Variants in SULT4A1 observed in about 807,000 individuals in gnomAD.
The protein encoded by SULT4A1 is sulfotransferase 4A1.
In SULT4A1, 11 loss-of-function variants were observed where a neutral mutation model predicts 35.2. The ratio of observed to expected loss-of-function variants is 0.31; its 90% confidence interval spans 0.20 to 0.52. The LOEUF is 0.52. Ranked by LOEUF, SULT4A1 falls within the 20% of genes least tolerant of loss-of-function variation. SULT4A1 has a pLI of 0.97. For missense variants in SULT4A1, 271 were observed against 383.7 expected (o/e 0.71, Z 2.45); for synonymous variants, 152 against 151.8 (o/e 1.00, Z -0.01).
At chr22:43,827,762 C>CACACAT (rs1246430688) in intron 6 of SULT4A1, 2 of 440,630 alleles carry the variant, frequency 4.5e-6, no homozygotes, top group African/African-American at 4.2e-5. Context: ...TCACCACACA[C>CACACAT]ACACACACAC....
At chr22:43,858,398 C>A (rs897865085) in intron 1 of SULT4A1, among the ~76,000 whole-genome samples, 17 of 152,122 alleles carry the variant, frequency 1.1e-4, no homozygotes, top group African/African-American at 4.1e-4. Flanking sequence ...CCCCCGCAGA[C>A]CCAGGACACT....
intron 1 of SULT4A1, among the ~76,000 whole-genome samples, chr22:43,860,991 T>C (rs1333807799): frequency 6.6e-6 from 1 of 152,132 alleles, no homozygotes; most frequent in Non-Finnish European, 1.5e-5. Context: ...CCCTCACAGA[T>C]TAACAGCGAT....
chr22:43,851,949 C>A (rs1284063359), intron 1 of SULT4A1, among the ~76,000 whole-genome samples: 6 of 152,224 alleles, frequency 3.9e-5, no homozygotes, highest in Non-Finnish European at 7.3e-5. Flanking sequence ...CAGCACTCAG[C>A]CCTGCCTGTG....
intron 1 of SULT4A1, among the ~76,000 whole-genome samples, chr22:43,857,197 T>C (rs1280703364): frequency 6.6e-6 from 1 of 151,550 alleles, no homozygotes; most frequent in Non-Finnish European, 1.5e-5. Context: ...AAAGGAGCAG[T>C]TAGCCACAGA....
chr22:43,845,640 C>T (rs771737091), intron 1 of SULT4A1, among the ~76,000 whole-genome samples: 9 of 151,748 alleles, frequency 5.9e-5, no homozygotes, highest in Non-Finnish European at 1.0e-4. Flanking sequence ...GCCTTCTAGT[C>T]CAGGGGTCCC....
At chr22:43,847,223 G>A (rs968727324) in intron 1 of SULT4A1, among the ~76,000 whole-genome samples, 3 of 152,012 alleles carry the variant, frequency 2.0e-5, no homozygotes, top group African/African-American at 7.3e-5. Context: ...CACGAAACAC[G>A]CAGGGAACAG....
intron 4 of SULT4A1, among the ~76,000 whole-genome samples, chr22:43,834,147 C>T (rs966797905): frequency 4.6e-5 from 7 of 152,152 alleles, no homozygotes; most frequent in Non-Finnish European, 8.8e-5. Context: ...ATCCAGAACA[C>T]GGGGCCCTGC....
At chr22:43,850,111 T>C (rs1024438069) in intron 1 of SULT4A1, among the ~76,000 whole-genome samples, 14 of 152,212 alleles carry the variant, frequency 9.2e-5, no homozygotes, top group Admixed American at 2.6e-4. Context: ...CTGCACCTAG[T>C]TGAAAAAGTC....
chr22:43,839,132 G>C, intron 3 of SULT4A1, 139 bp from the exon 4 acceptor site: 1 of 1,154,924 alleles, frequency 8.7e-7, no homozygotes, highest in Non-Finnish European at 1.2e-6. Context: ...TGGGGCCCAT[G>C]TGCACGGCTG....
intron 1 of SULT4A1, among the ~76,000 whole-genome samples, chr22:43,861,759 G>T (rs761869880): frequency 2.6e-5 from 4 of 152,250 alleles, no homozygotes; most frequent in Non-Finnish European, 4.4e-5. Flanking sequence ...TTTCCACGCT[G>T]AAAGCCCTGA....
At position 43,844,547 on chromosome 22, in the gene SULT4A1, A is replaced by C. The variant is rs6006449; in HGVS notation, c.170-2615T>G. On this transcript the variant is annotated intron_variant, in intron 1 of 6. Coordinates refer to ENST00000330884, the MANE Select transcript of SULT4A1 (RefSeq NM_014351.4). ...ACTCAGGTCCGACGGCCTCCAGCCC[A>C]AAACCCTTCCGTAGCTTCCCAATGT... Among the ~76,000 whole-genome samples, 876 of 152,326 alleles carry C rather than the reference A, an allele frequency of 5.8e-3. 10 individuals are homozygous for C. Among genetic ancestry groups the C allele is most frequent in the African/African-American group, 0.02 (844 of 41,574 alleles).
chr22:43,853,540 T>C (rs1304614230), intron 1 of SULT4A1, among the ~76,000 whole-genome samples: 1 of 152,136 alleles, frequency 6.6e-6, no homozygotes, highest in African/African-American at 2.4e-5. Flanking sequence ...CAGGCAGCTG[T>C]GGCATGCTGG....
At chr22:43,841,984 G>A (rs777567626) in intron 1 of SULT4A1, 52 bp from the exon 2 acceptor site, 45 of 1,582,078 alleles carry the variant, frequency 2.8e-5, no homozygotes, top group South Asian at 3.4e-5. Context: ...CCACGCGCCC[G>A]GCCCTGTGCT....
chr22:43,835,352 G>A (rs1436733443), intron 4 of SULT4A1, among the ~76,000 whole-genome samples: 1 of 152,234 alleles, frequency 6.6e-6, no homozygotes, highest in African/African-American at 2.4e-5. Context: ...ACGACAGAGA[G>A]CAAGGCGTCA....
At chr22:43,831,611 C>G (rs1362914593) in intron 5 of SULT4A1, among the ~76,000 whole-genome samples, 1 of 152,224 alleles carries the variant, frequency 6.6e-6, no homozygotes, top group Admixed American at 6.5e-5. Context: ...CGTGCTGCAA[C>G]GGAGCACCGA....
At chr22:43,829,997 G>A (rs1258930444) in intron 5 of SULT4A1, among the ~76,000 whole-genome samples, 1 of 152,240 alleles carries the variant, frequency 6.6e-6, no homozygotes, top group Non-Finnish European at 1.5e-5. Flanking sequence ...AAAAGACAAT[G>A]TTCTCTGACC....
chr22:43,847,755 T>A (rs1222739298), intron 1 of SULT4A1, among the ~76,000 whole-genome samples: 2 of 152,186 alleles, frequency 1.3e-5, no homozygotes, highest in African/African-American at 2.4e-5. Context: ...CCCTGCCTGG[T>A]CCCACAGAGC....
At chr22:43,836,671 C>G (rs947572370) in intron 4 of SULT4A1, among the ~76,000 whole-genome samples, 2 of 151,218 alleles carry the variant, frequency 1.3e-5, no homozygotes. Context: ...GCAGGTGCCA[C>G]AGGGAGCCTG....
intron 1 of SULT4A1, among the ~76,000 whole-genome samples, chr22:43,860,773 C>A (rs1293566427): frequency 6.6e-6 from 1 of 152,186 alleles, no homozygotes; most frequent in Non-Finnish European, 1.5e-5. Context: ...AGACTTCCAG[C>A]ATTTTAAAGC....
Sources: gnomAD v4.1 joint callset for allele counts (sites outside exome capture counted in the v4.1 genomes callset) on GRCh38, gnomAD v4.1.1 for gene constraint, MANE v1.5 for transcripts, NCBI Gene and HGNC (gene_info 2026-07-23, HGNC 2026-07-21) for gene names.